The following MTUS1 variants were observed in gnomAD, a reference collection of about 807,000 sequenced individuals.
MTUS1 encodes the protein microtubule-associated tumor suppressor 1.
MTUS1 carries 109 observed loss-of-function variants against 120.8 expected under a neutral mutation model. The observed-to-expected ratio is 0.90, with a 90% CI of 0.77 to 1.06. The LOEUF (loss-of-function observed/expected upper bound fraction) is 1.06, where lower values mean the gene tolerates loss of function less well. MTUS1 is among the 50% of genes least tolerant of loss of function. The probability of loss-of-function intolerance (pLI) is 0.00; values close to 1 mark genes in which losing one functional copy is unlikely to be tolerated. For missense variants in MTUS1, 2,210 were observed against 1,486.3 expected, an observed-to-expected ratio of 1.49 and a Z score of -8.01; for synonymous variants, 737 against 550.5, an observed-to-expected ratio of 1.34 and a Z score of -4.74.
intron 6 of MTUS1, chr8:17,706,082 T>C (rs1004842017): frequency 4.6e-5 from 7 of 152,178 alleles, no homozygotes; most frequent in African/African-American, 1.7e-4. Context: ...TTAAGCAGTC[T>C]TTCCTGCTTG....
chr8:17,669,371 G>C (rs1438829160), intron 8 of MTUS1, among the ~76,000 whole-genome samples: 1 of 152,180 alleles, frequency 6.6e-6, no homozygotes, highest in Non-Finnish European at 1.5e-5. Flanking sequence ...GTGGACAAGA[G>C]GTGCAAATGA....
chr8:17,725,452 T>C (rs1194563227), intron 3 of MTUS1, among the ~76,000 whole-genome samples: 1 of 152,204 alleles, frequency 6.6e-6, no homozygotes. Context: ...TTAACCTCGC[T>C]TTCTCTCTGA....
intron 8 of MTUS1, among the ~76,000 whole-genome samples, chr8:17,657,058 CAAAA>C (rs1219286349): frequency 1.8e-5 from 1 of 56,720 alleles, no homozygotes; most frequent in African/African-American, 5.8e-5. Flanking sequence ...GATTCTGTCT[CAAAA>C]AAAAAAAAAA....
chr8:17,652,153 C>G (rs1807144550), intron 12 of MTUS1, among the ~76,000 whole-genome samples: 1 of 152,146 alleles, frequency 6.6e-6, no homozygotes, highest in Admixed American at 6.6e-5. Context: ...GTACTAAAGG[C>G]AGAAGCAGCA....
chr8:17,754,216 G>A lies in MTUS1; in HGVS notation c.1592C>T (p.Thr531Met), dbSNP rs769919224. 2.4e-5 allele frequency: 39 copies of A among 1,613,934 alleles called. No homozygotes were observed. Among genetic ancestry groups the A allele is most frequent in the African/African-American group, 1.2e-4 (9 of 74,868 alleles). ...QPKDAALSKV[T>M]PRPQQTSASS... The stretch of plus-strand genomic sequence containing the variant: ...GGCACTGGTCTGCTGAGGTCTGGGC[G>A]TGACCTTTGATAAAGCAGCATCTTT... Residue 531 changes from threonine (T) to methionine (M), a missense_variant, in exon 2 of 15, where the codon ACG becomes ATG. Transcript: ENST00000693296.
At chr8:17,779,859 T>C (rs1451735778) in intron 1 of MTUS1, among the ~76,000 whole-genome samples, 1 of 152,222 alleles carries the variant, frequency 6.6e-6, no homozygotes, top group Non-Finnish European at 1.5e-5. Flanking sequence ...CCGATAACAA[T>C]TCCCACATAC....
chr8:17,748,378 G>A (rs1162942852), intron 2 of MTUS1: 1 of 152,272 alleles, frequency 6.6e-6, no homozygotes, highest in Non-Finnish European at 1.5e-5. Flanking sequence ...CCATCCTTCA[G>A]GTGTCCATGT....
At chr8:17,695,394 T>C (rs527965691) in intron 6 of MTUS1, among the ~76,000 whole-genome samples, 1 of 152,330 alleles carries the variant, frequency 6.6e-6, no homozygotes, top group Admixed American at 6.5e-5. Flanking sequence ...GGCAAGCGAA[T>C]TCACTTCTCT....
intron 10 of MTUS1, chr8:17,654,282 G>C: frequency 2.2e-6 from 1 of 454,968 alleles, no homozygotes; most frequent in Non-Finnish European, 3.9e-6. Context: ...CACTTCCCAG[G>C]GACCTAAGCT....
intron 13 of MTUS1, among the ~76,000 whole-genome samples, chr8:17,649,355 G>C (rs908130454): frequency 6.6e-6 from 1 of 152,144 alleles, no homozygotes; most frequent in African/African-American, 2.4e-5. Flanking sequence ...ACTGCGCCCA[G>C]CCCACGATTC....
chr8:17,697,710 T>G (rs1466334515), intron 6 of MTUS1: 1 of 1,004,908 alleles, frequency 1.0e-6, no homozygotes, highest in Admixed American at 6.0e-5. Flanking sequence ...TCCGAGATGG[T>G]AAAGGGGAGG....
intron 5 of MTUS1, 78 bp downstream of exon 5, chr8:17,715,689 T>A: frequency 7.2e-7 from 1 of 1,380,704 alleles, no homozygotes; most frequent in Non-Finnish European, 9.9e-7. Context: ...TAAACCTAAT[T>A]GTCAAAATTT....
intron 7 of MTUS1, among the ~76,000 whole-genome samples, chr8:17,683,415 T>A (rs934979849): frequency 6.6e-6 from 1 of 152,172 alleles, no homozygotes; most frequent in Non-Finnish European, 1.5e-5. Flanking sequence ...CCAGGACAGG[T>A]TTGTTGATCT....
At chr8:17,667,126 A>C (rs376547257) in intron 8 of MTUS1, among the ~76,000 whole-genome samples, 2 of 152,352 alleles carry the variant, frequency 1.3e-5, no homozygotes, top group East Asian at 3.9e-4. Flanking sequence ...GTAAAACTGC[A>C]TATCTGCAGG....
intron 7 of MTUS1, among the ~76,000 whole-genome samples, chr8:17,679,538 G>T (rs1301662271): frequency 1.3e-5 from 2 of 151,120 alleles, no homozygotes; most frequent in African/African-American, 4.9e-5. Flanking sequence ...GGGTCTCACT[G>T]TCACCCAGGC....
chr8:17,767,702 A>AG (rs1399900059), intron 1 of MTUS1, among the ~76,000 whole-genome samples: 17 of 143,688 alleles, frequency 1.2e-4, no homozygotes, highest in African/African-American at 4.3e-4. Context: ...CTGTCTCTTA[A>AG]AAAAAAAAAA....
chr8:17,717,890 C>G (rs1585921097), intron 4 of MTUS1, among the ~76,000 whole-genome samples: 1 of 152,274 alleles, frequency 6.6e-6, no homozygotes, highest in East Asian at 1.9e-4. Flanking sequence ...AGAATTCATA[C>G]TGCAAGGATA....
intron 1 of MTUS1, among the ~76,000 whole-genome samples, chr8:17,774,678 T>C (rs2050274287): frequency 6.6e-6 from 1 of 152,160 alleles, no homozygotes; most frequent in Non-Finnish European, 1.5e-5. Flanking sequence ...AAAACAATTC[T>C]GTGGTTCCTC....
intron 5 of MTUS1, among the ~76,000 whole-genome samples, chr8:17,713,799 T>C (rs1024525755): frequency 6.6e-6 from 1 of 152,168 alleles, no homozygotes; most frequent in Non-Finnish European, 1.5e-5. Flanking sequence ...GAAATAGTTG[T>C]TTCTAGGACA....
Sources: allele counts gnomAD v4.1 joint callset (sites outside exome capture counted in the v4.1 genomes callset), GRCh38; gene constraint gnomAD v4.1.1; transcripts MANE v1.5; gene names NCBI Gene and HGNC (gene_info 2026-07-23, HGNC 2026-07-21).